The following ATP5F1A variants were observed in gnomAD, a reference collection of about 807,000 sequenced individuals.
The protein encoded by ATP5F1A is ATP synthase F(1) complex subunit alpha, mitochondrial.
Under a neutral mutation model 57.4 loss-of-function variants are expected in ATP5F1A, and 24 were observed. The observed-to-expected ratio is 0.42, with a 90% CI of 0.30 to 0.59. The LOEUF is 0.59. ATP5F1A is among the 20% of genes least tolerant of loss of function. The probability of loss-of-function intolerance (pLI) is 0.19; values close to 1 mark genes in which losing one functional copy is unlikely to be tolerated. For synonymous variants in ATP5F1A, 251 were observed against 255.5 expected, an observed-to-expected ratio of 0.98 and a Z score of 0.17; for missense variants, 494 against 707.9, an observed-to-expected ratio of 0.70 and a Z score of 3.43.
intron 2 of ATP5F1A, chr18:46,092,322 C>T (rs1910625516): frequency 1.3e-5 from 2 of 150,874 alleles, no homozygotes; most frequent in South Asian, 4.2e-4. Flanking sequence ...TCTACAGACC[C>T]AGCACAGTGG....
At chr18:46,089,533 G>A in intron 5 of ATP5F1A, 33 bp downstream of exon 5, 3 of 1,609,078 alleles carry the variant, frequency 1.9e-6, no homozygotes, top group Non-Finnish European at 2.5e-6. Flanking sequence ...GCAAATTTTA[G>A]TTAGAACTTT....
Position 46,089,596 on chromosome 18 carries a change from C to A in ATP5F1A, c.620G>T (p.Arg207Leu). The part of the protein sequence containing the change: ...DSLVPIGRGQ[R>L]ELIIGDRQTG... ...CTGTCGGTCACCAATAATCAGTTCA[C>A]GCTGACCACGACCAATTGGCACCAA... The change falls in exon 5 of 12, where the codon CGT becomes CTT. Residue 207 changes from arginine (R) to leucine (L), a missense_variant. Arg to Leu is a moderately radical substitution (Grantham distance 102, BLOSUM62 -2). Coordinates refer to ENST00000398752, the MANE Select transcript of ATP5F1A (RefSeq NM_004046.6). 6.2e-7 allele frequency: 1 copy of A among 1,614,184 alleles called. No individual in the cohort carries two copies. The highest frequency in any genetic ancestry group is 8.5e-7 in the Non-Finnish European group (1 of 1,180,044).
Position 46,083,893 on chromosome 18 carries a change from A to C in ATP5F1A, c.*389T>G. ...CCCAGCTACGTGGGAGGCTGAGGCA[A>C]GAGAATTGCTTGAACCCGGAGACGG... is the stretch of plus-strand genomic sequence containing the variant. On this transcript the variant is annotated 3_prime_UTR_variant, in exon 12 of 12. Transcript: ENST00000398752. 6.4e-6 allele frequency: 1 copy of C among 155,158 alleles called. No homozygotes were observed. 9.6% of individuals were successfully genotyped at this position (155,158 alleles called of 1,614,324 possible).
rs756361407 is a variant in ATP5F1A at position 46,091,702 on chromosome 18, C to G, written c.289G>C (p.Glu97Gln). 16 of 1,606,568 alleles carry G rather than the reference C, an allele frequency of 1.0e-5. No individual in the cohort carries two copies. In the East Asian group the frequency reaches 1.3e-4, roughly 13 times the overall value. ...LRNVQAEEMV[E>Q]FSSGLKGMSL... ...TTTACCTTTAAGCCTGAAGAAAACT[C>G]TACCATTTCTTCTGCTTGAACATTC... is the stretch of plus-strand genomic sequence containing the variant. Residue 97 changes from glutamate (E) to glutamine (Q), a missense_variant, in exon 3 of 12, where the codon GAG becomes CAG. Glu to Gln is a conservative substitution (Grantham distance 29, BLOSUM62 2). This residue lies in a region of ATP5F1A where 142 missense variants were observed against 137.5 expected (regional missense o/e 1.03). Coordinates refer to ENST00000398752, the MANE Select transcript of ATP5F1A (RefSeq NM_004046.6).
At chr18:46,097,988 C>G in intron 1 of ATP5F1A, 184 bp downstream of exon 1, 1 of 1,411,218 alleles carries the variant, frequency 7.1e-7, no homozygotes, top group South Asian at 1.6e-5. Context: ...CATTCTGCCT[C>G]TGCGCAGGTG....
At chr18:46,085,933 C>CAAAAAAAA in intron 10 of ATP5F1A, 180 bp downstream of exon 10, 1 of 597,738 alleles carries the variant, frequency 1.7e-6, no homozygotes, top group Non-Finnish European at 2.6e-6. Flanking sequence ...AACTTCGTCT[C>CAAAAAAAA]AAAAAAAAAA....
At chr18:46,089,418 C>A in intron 5 of ATP5F1A, 148 bp downstream of exon 5, 1 of 875,480 alleles carries the variant, frequency 1.1e-6, no homozygotes, top group Admixed American at 2.7e-5. Context: ...AGGGGCTGGC[C>A]CCCTTCACTT....
chr18:46,082,371 C>CAG lies in ATP5F1A; in HGVS notation c.*1909_*1910dup, dbSNP rs1909807125. ...CACCACTGCACTCCAGCCTGGGAGA[C>CAG]AGTGAGACTCCGTCTCAAAAAAAAA... On this transcript the variant is annotated 3_prime_UTR_variant, in exon 12 of 12. Transcript: ENST00000398752. The CAG allele has an allele frequency of 1.5e-5, 2 of 129,098 alleles. No homozygotes were observed. The highest frequency in any genetic ancestry group is 3.1e-5 in the African/African-American group (1 of 32,384). The allele number at this position is 129,098 out of a possible 1,614,324, so 8.0% of individuals were successfully genotyped here.
intron 3 of ATP5F1A, among the ~76,000 whole-genome samples, chr18:46,090,210 T>C (rs1423859689): frequency 6.6e-6 from 1 of 152,214 alleles, no homozygotes; most frequent in Non-Finnish European, 1.5e-5. Context: ...GACAGCACAT[T>C]GATAAGCCTA....
chr18:46,098,099 G>C (rs1220769994), intron 1 of ATP5F1A, 73 bp downstream of exon 1: 3 of 1,520,572 alleles, frequency 2.0e-6, no homozygotes, highest in Non-Finnish European at 2.6e-6. Flanking sequence ...CCTGCAGAGA[G>C]CGCCCGAGCC....
chr18:46,088,731 T>TA (rs1568247251), intron 5 of ATP5F1A: 2 of 153,788 alleles, frequency 1.3e-5, no homozygotes, highest in Admixed American at 6.5e-5. Flanking sequence ...CCGATACTCG[T>TA]AAAGGGTCTG....
chr18:46,096,671 AAAC>A (rs899117699), intron 1 of ATP5F1A, among the ~76,000 whole-genome samples: 13 of 125,682 alleles, frequency 1.0e-4, no homozygotes, highest in East Asian at 5.9e-4. Context: ...TTTTACTTAA[AAAC>A]AACAACAACA....
chr18:46,098,416 T>G (rs1911149471), upstream of ATP5F1A: 1 of 1,356,918 alleles, frequency 7.4e-7, no homozygotes, highest in African/African-American at 1.5e-5. Flanking sequence ...AGGTTACTTA[T>G]TTTTTTATGT....
Position 46,095,082 on chromosome 18 carries a change from T to C in ATP5F1A, c.110A>G (p.His37Arg), listed in dbSNP as rs1910844017. 1 of 1,613,666 alleles carries C rather than the reference T, an allele frequency of 6.2e-7. No homozygotes were observed. Among genetic ancestry groups the C allele is most frequent in the African/African-American group, 1.3e-5 (1 of 74,998 alleles). The change falls in exon 2 of 12, where the codon CAT (histidine) becomes CGT (arginine). Residue 37 changes from histidine to arginine, a missense_variant. Around this residue, in one of 6 missense-constraint regions of ATP5F1A, gnomAD observed 142 missense variants for 137.5 expected, o/e 1.03. Transcript: ENST00000398752. ...GSSFIAARNFHASNTHLQKTG... is the reference protein window; with the variant it reads ...GSSFIAARNFRASNTHLQKTG... ...CTTTTGAAGATGAGTGTTAGAGGCATGGAAGTTCCTTGCAGCAATGAAAGA... is the reference window on the plus strand; with the variant it reads ...CTTTTGAAGATGAGTGTTAGAGGCACGGAAGTTCCTTGCAGCAATGAAAGA...
intron 1 of ATP5F1A, 72 bp from the exon 2 acceptor site, chr18:46,095,203 G>A: frequency 2.1e-6 from 3 of 1,433,202 alleles, no homozygotes; most frequent in South Asian, 1.2e-5. Context: ...TTAAACAAAT[G>A]CCAGCTTAGT....
At position 46,084,206 on chromosome 18, in the gene ATP5F1A, A is replaced by G. The variant is rs990563880; in HGVS notation, c.*76T>C. Reference sequence around the variant, plus strand: ...TCTGTACATAAGGAGTATGAGAGTAACCCTTTTACAAATGGAACTAATTTA... The same window carrying G: ...TCTGTACATAAGGAGTATGAGAGTAGCCCTTTTACAAATGGAACTAATTTA... On this transcript the variant is annotated 3_prime_UTR_variant, in exon 12 of 12. Transcript: ENST00000398752. The G allele has an allele frequency of 2.0e-5, 25 of 1,256,102 alleles. No homozygotes were observed. Among genetic ancestry groups the G allele is most frequent in the Non-Finnish European group, 2.7e-5 (24 of 879,802 alleles). The allele number at this position is 1,256,102 out of a possible 1,614,324, so 77.8% of individuals were successfully genotyped here.
rs1909779070 is a variant in ATP5F1A at position 46,082,006 on chromosome 18, G to C, written c.*2276C>G. On this transcript the variant is annotated 3_prime_UTR_variant, in exon 12 of 12. Transcript: ENST00000398752. ...TCAACAAAATAAAATGGCAAGGAAG[G>C]GGGAACCCTAGGAAAAATATTTTAG... 6.6e-6 allele frequency: 1 copy of C among 151,378 alleles called. No individual in the cohort carries two copies. Among genetic ancestry groups the C allele is most frequent in the African/African-American group, 2.4e-5 (1 of 41,200 alleles). The allele number at this position is 151,378 out of a possible 1,614,324, so 9.4% of individuals were successfully genotyped here.
At chr18:46,095,851 T>C (rs1383551097) in intron 1 of ATP5F1A, among the ~76,000 whole-genome samples, 1 of 142,344 alleles carries the variant, frequency 7.0e-6, no homozygotes, top group Non-Finnish European at 1.5e-5. Context: ...AGTAAATAAA[T>C]ATATATTTAC....
chr18:46,104,021 A>G (rs1297224285), intron 1 of ATP5F1A: 1 of 194,206 alleles, frequency 5.1e-6, no homozygotes, highest in Admixed American at 6.1e-5. Context: ...AGTGGATGCA[A>G]TCAATGTGGA....
Sources: gnomAD v4.1 joint callset for allele counts (sites outside exome capture counted in the v4.1 genomes callset) on GRCh38, gnomAD v4.1.1 for gene constraint, gnomAD v4.1.1 regional missense constraint, MANE v1.5 for transcripts, NCBI Gene and HGNC (gene_info 2026-07-23, HGNC 2026-07-21) for gene names.